ATG7: variants seen among roughly 807,000 people sequenced by gnomAD.
ATG7 encodes autophagy related 7, also known as ubiquitin-like modifier-activating enzyme ATG7.
In ATG7, 70 loss-of-function variants were observed where a neutral mutation model predicts 82.4. The ratio of observed to expected loss-of-function variants is 0.85; its 90% CI spans 0.70 to 1.04. The LOEUF is 1.04. ATG7 is among the 50% of genes least tolerant of loss of function. The probability of loss-of-function intolerance (pLI) is 0.00; values close to 1 mark genes in which losing one functional copy is unlikely to be tolerated. For synonymous variants in ATG7, 287 were observed against 313.0 expected (o/e 0.92, Z 0.88); for missense variants, 792 against 864.3 (o/e 0.92, Z 1.05).
At chr3:11,304,512 G>T (rs1246058647) in intron 5 of ATG7, 4 of 152,262 alleles carry the variant, frequency 2.6e-5, no homozygotes, top group Admixed American at 2.6e-4. Flanking sequence ...AGCGTTCCCT[G>T]TGGGCATGTG....
intron 20 of ATG7, among the ~76,000 whole-genome samples, chr3:11,539,473 C>CT (rs1206866157): frequency 1.3e-5 from 2 of 151,998 alleles, no homozygotes; most frequent in African/African-American, 4.8e-5. Flanking sequence ...GAAGGTTGGG[C>CT]TGGAAGGATT....
chr3:11,523,943 G>A (rs531651012), intron 20 of ATG7, among the ~76,000 whole-genome samples: 13 of 152,222 alleles, frequency 8.5e-5, no homozygotes, highest in Middle Eastern at 3.4e-3. Flanking sequence ...CAGCCCCAGC[G>A]CCCACCCCTT....
At chr3:11,460,187 G>A (rs2086169088) in intron 20 of ATG7, among the ~76,000 whole-genome samples, 1 of 152,198 alleles carries the variant, frequency 6.6e-6, no homozygotes, top group African/African-American at 2.4e-5. Flanking sequence ...GTTGTTTTAA[G>A]GTGGCTTCTT....
At chr3:11,534,721 G>C (rs561928069) in intron 20 of ATG7, among the ~76,000 whole-genome samples, 1 of 152,346 alleles carries the variant, frequency 6.6e-6, no homozygotes, top group African/African-American at 2.4e-5. Context: ...GTGGGACGCT[G>C]CTCCCTCCCA....
the ATG7 span, chr3:11,564,807 TC>T: frequency 1.3e-6 from 2 of 1,559,534 alleles, no homozygotes. Context: ...CTGCTGCCGC[TC>T]CCCCGGGGTC....
intron 11 of ATG7, 34 bp from the exon 12 acceptor site, chr3:11,340,610 TC>T (rs1298140872): frequency 6.4e-7 from 1 of 1,573,814 alleles, no homozygotes; most frequent in Admixed American, 1.7e-5. Flanking sequence ...TATTCTTCCC[TC>T]CTTCATTAAA....
At position 11,340,772 on chromosome 3, in the gene ATG7, T is replaced by G. The variant is rs373835998; in HGVS notation, c.980+37T>G. 1.5e-5 allele frequency: 23 copies of G among 1,580,624 alleles called. No homozygotes were observed. In the African/African-American group the frequency reaches 2.3e-4, roughly 16 times the overall value. ...AAGCTGTTTTCTCCAGTCGGGCTTT[T>G]TGTAACCAAGACACACACCAAGTTC... On this transcript the variant is annotated intron_variant, in intron 12 of 20. Coordinates refer to ENST00000693202, the MANE Select transcript of ATG7 (RefSeq NM_001349232.2).
chr3:11,485,258 T>C (rs566346203), intron 20 of ATG7, among the ~76,000 whole-genome samples: 25 of 152,358 alleles, frequency 1.6e-4, no homozygotes, highest in African/African-American at 5.8e-4. Context: ...AGATATCTCA[T>C]TGTGGTTTTG....
At chr3:11,544,830 G>A (rs1456029739) in intron 20 of ATG7, among the ~76,000 whole-genome samples, 1 of 152,236 alleles carries the variant, frequency 6.6e-6, no homozygotes, top group Non-Finnish European at 1.5e-5. Context: ...CTCTCTACTA[G>A]ACCAGGCTCT....
rs530478271 is a variant in ATG7, at chr3:11,346,072, T to G, written c.1126-1805T>G. 9.0e-4 allele frequency among the ~76,000 whole-genome samples: 137 copies of G among 152,356 alleles called. 1 individual carries two copies. Among genetic ancestry groups the G allele is most frequent in the African/African-American group, 3.2e-3 (135 of 41,590 alleles). On this transcript the variant is annotated intron_variant, in intron 13 of 20. Transcript: ENST00000693202. ...CTGTCTATGAGGCCTTTTTATTTTT[T>G]GGGACAGGTTCTGGCTTTGTTGCCC...
intron 11 of ATG7, among the ~76,000 whole-genome samples, chr3:11,336,562 A>G (rs979473700): frequency 5.9e-5 from 9 of 152,266 alleles, no homozygotes; most frequent in Non-Finnish European, 1.2e-4. Context: ...ATTTTTCTAT[A>G]TCATAATGTA....
chr3:11,447,793 A>T (rs1461688891), intron 20 of ATG7, among the ~76,000 whole-genome samples: 1 of 152,166 alleles, frequency 6.6e-6, no homozygotes. Context: ...GTAGAAAGGG[A>T]AGGGCTGCCA....
At chr3:11,393,540 T>C (rs893439789) in intron 19 of ATG7, among the ~76,000 whole-genome samples, 2 of 152,236 alleles carry the variant, frequency 1.3e-5, no homozygotes, top group African/African-American at 4.8e-5. Flanking sequence ...TTATGTCTTG[T>C]ATAATGTTGC....
intron 20 of ATG7, among the ~76,000 whole-genome samples, chr3:11,519,522 G>A (rs1435141465): frequency 7.5e-6 from 1 of 133,982 alleles, no homozygotes; most frequent in Non-Finnish European, 1.6e-5. Flanking sequence ...CATCATGAAA[G>A]GCAGGCAGTG....
intron 20 of ATG7, among the ~76,000 whole-genome samples, chr3:11,524,679 C>A (rs145146479): frequency 6.6e-6 from 1 of 152,018 alleles, no homozygotes; most frequent in African/African-American, 2.4e-5. Context: ...CCCAGCAGCT[C>A]GGGAGGCTGA....
downstream of ATG7, chr3:11,559,288 C>T: frequency 6.7e-7 from 1 of 1,486,782 alleles, no homozygotes; most frequent in Non-Finnish European, 9.0e-7. Flanking sequence ...GGCTCTGCTG[C>T]CACTAGCACA....
intron 18 of ATG7, among the ~76,000 whole-genome samples, chr3:11,371,905 C>G (rs868851165): frequency 6.6e-6 from 1 of 151,366 alleles, no homozygotes; most frequent in Non-Finnish European, 1.5e-5. Flanking sequence ...TAATTAGACA[C>G]GCACAGGTGT....
intron 19 of ATG7, among the ~76,000 whole-genome samples, chr3:11,400,536 C>T (rs758233661): frequency 2.6e-5 from 4 of 151,922 alleles, no homozygotes; most frequent in Admixed American, 1.3e-4. Flanking sequence ...ATTTTTTTTC[C>T]TTCGAAGAGT....
At chr3:11,469,005 T>C (rs936521420) in intron 20 of ATG7, among the ~76,000 whole-genome samples, 2 of 152,218 alleles carry the variant, frequency 1.3e-5, no homozygotes, top group African/African-American at 4.8e-5. Context: ...TGTTGCATGA[T>C]GGCTCTCTCA....
Sources: allele counts gnomAD v4.1 joint callset (sites outside exome capture counted in the v4.1 genomes callset), GRCh38; gene constraint gnomAD v4.1.1; transcripts MANE v1.5; gene names NCBI Gene and HGNC (gene_info 2026-07-23, HGNC 2026-07-21).